The following SMAD6 variants were observed in gnomAD, a reference collection of about 807,000 sequenced individuals.
SMAD6 encodes the protein MAD homolog 6.
SMAD6 carries 103 observed loss-of-function variants against 39.4 expected under a neutral mutation model. That is an observed-to-expected ratio of 2.62 (90% CI 2.23 to 3.08). SMAD6 has a LOEUF of 3.08. SMAD6 is among the 30% of genes most tolerant of loss of function. The pLI is 0.00. For missense variants in SMAD6, 1,104 were observed against 742.9 expected (o/e 1.49, Z -5.65); for synonymous variants, 445 against 353.3 (o/e 1.26, Z -2.91).
chr15:66,703,827 C>G lies in SMAD6; in HGVS notation c.569C>G (p.Thr190Arg), dbSNP rs1893040158. The change falls in exon 1 of 4, where the codon ACG becomes AGG. Residue 190 changes from threonine (T) to arginine (R), a missense_variant. Physicochemically the swap from Thr to Arg is moderately conservative, Grantham distance 71 (BLOSUM62 -1). Coordinates refer to ENST00000288840, the MANE Select transcript of SMAD6 (RefSeq NM_005585.5). The stretch of plus-strand genomic sequence containing the variant: ...CGGCTCAAGGAGCGCTCGCTGGACA[C>G]GCTGCTGGAGGCGGTGGAGTCCCGC... ...LKRLKERSLD[T>R]LLEAVESRGG... The G allele has an allele frequency of 7.1e-7, 1 of 1,417,600 alleles. No individual in the cohort carries two copies. The allele number at this position is 1,417,600 out of a possible 1,614,324, so 87.8% of individuals were successfully genotyped here.
intron 3 of SMAD6, among the ~76,000 whole-genome samples, chr15:66,765,781 G>A (rs948560830): frequency 4.6e-5 from 7 of 152,142 alleles, no homozygotes; most frequent in Non-Finnish European, 8.8e-5. Flanking sequence ...TGGGTATTCG[G>A]GTTTTCTGCT....
At chr15:66,763,853 G>C (rs533088621) in intron 3 of SMAD6, among the ~76,000 whole-genome samples, 8 of 152,354 alleles carry the variant, frequency 5.3e-5, no homozygotes, top group Admixed American at 4.6e-4. Context: ...CTGGCCAAAC[G>C]CCCTAGGCAA....
chr15:66,763,800 C>A (rs1350132970), intron 3 of SMAD6, among the ~76,000 whole-genome samples: 1 of 152,220 alleles, frequency 6.6e-6, no homozygotes, highest in Non-Finnish European at 1.5e-5. Flanking sequence ...AGGGGTGGGG[C>A]CCCACCCTGC....
chr15:66,743,137 C>A (rs1410703007), intron 3 of SMAD6, among the ~76,000 whole-genome samples: 1 of 152,146 alleles, frequency 6.6e-6, no homozygotes, highest in African/African-American at 2.4e-5. Flanking sequence ...GATGGATGCT[C>A]CCACCAGCCA....
intron 3 of SMAD6, among the ~76,000 whole-genome samples, chr15:66,750,298 T>C (rs1183242546): frequency 6.6e-6 from 1 of 152,190 alleles, no homozygotes; most frequent in African/African-American, 2.4e-5. Context: ...AACTGTTGCA[T>C]ATCTTAGCTC....
chr15:66,759,267 TA>T (rs1894156983), intron 3 of SMAD6, among the ~76,000 whole-genome samples: 1 of 152,174 alleles, frequency 6.6e-6, no homozygotes, highest in South Asian at 2.1e-4. Flanking sequence ...GAGAATTTGA[TA>T]AATCCCCAGA....
intron 3 of SMAD6, among the ~76,000 whole-genome samples, chr15:66,756,934 A>G (rs1263680963): frequency 2.6e-5 from 4 of 152,128 alleles, no homozygotes; most frequent in Non-Finnish European, 4.4e-5. Flanking sequence ...CCCGATACTC[A>G]TATGTTGGGA....
chr15:66,704,324 T>C (rs1213878426), intron 1 of SMAD6: 2 of 359,362 alleles, frequency 5.6e-6, no homozygotes, highest in East Asian at 8.1e-5. Flanking sequence ...TAGTTTTCTC[T>C]GTGCAGTTTC....
chr15:66,729,136 C>T (rs1279644541), intron 3 of SMAD6, among the ~76,000 whole-genome samples: 2 of 152,158 alleles, frequency 1.3e-5, no homozygotes, highest in Non-Finnish European at 2.9e-5. Context: ...CGGCCTAGAG[C>T]AGGATCTCCC....
At chr15:66,750,628 C>CG (rs34571269) in intron 3 of SMAD6, among the ~76,000 whole-genome samples, 99,000 of 151,858 alleles carry the variant, frequency 0.65, 32,826 homozygotes, top group Admixed American at 0.73. Flanking sequence ...TTTATTGAGG[C>CG]GGGGGGTTGA....
chr15:66,704,296 T>C (rs1893060417), intron 1 of SMAD6: 2 of 387,970 alleles, frequency 5.2e-6, no homozygotes, highest in East Asian at 7.4e-5. Context: ...TCCGGTAAAC[T>C]TAAAAGGGTA....
At chr15:66,733,175 A>T (rs560278692) in intron 3 of SMAD6, among the ~76,000 whole-genome samples, 15 of 152,096 alleles carry the variant, frequency 9.9e-5, no homozygotes, top group Non-Finnish European at 1.8e-4. Flanking sequence ...CTATCCTTTT[A>T]CCAATACTGC....
At chr15:66,759,032 C>T (rs1894152027) in intron 3 of SMAD6, among the ~76,000 whole-genome samples, 1 of 152,236 alleles carries the variant, frequency 6.6e-6, no homozygotes, top group South Asian at 2.1e-4. Flanking sequence ...AACAATTCAA[C>T]TCTGCCACTG....
chr15:66,777,940 A>G (rs1389358843), intron 3 of SMAD6, among the ~76,000 whole-genome samples: 2 of 152,264 alleles, frequency 1.3e-5, no homozygotes, highest in South Asian at 4.1e-4. Context: ...ATAGGGTACC[A>G]TAAGGTGTGC....
At chr15:66,767,572 G>A (rs990393827) in intron 3 of SMAD6, among the ~76,000 whole-genome samples, 27 of 152,154 alleles carry the variant, frequency 1.8e-4, no homozygotes, top group African/African-American at 5.3e-4. Flanking sequence ...GAGAATAGAC[G>A]GGTGGCCATG....
chr15:66,741,593 C>A (rs946172508), intron 3 of SMAD6, among the ~76,000 whole-genome samples: 1 of 152,198 alleles, frequency 6.6e-6, no homozygotes, highest in Non-Finnish European at 1.5e-5. Context: ...GAACCATCAT[C>A]CCTGCAGCAT....
At chr15:66,771,941 G>GT (rs1412982815) in intron 3 of SMAD6, among the ~76,000 whole-genome samples, 2 of 152,148 alleles carry the variant, frequency 1.3e-5, no homozygotes, top group East Asian at 3.9e-4. Context: ...GCTGCATAGG[G>GT]TACCAGAAAC....
At position 66,760,219 on chromosome 15, in the gene SMAD6, C is replaced by T. The variant is rs8029534; in HGVS notation, c.953-20778C>T. On this transcript the variant is annotated intron_variant, in intron 3 of 3. Transcript: ENST00000288840. ...GCCCCTCATTTATAATGCTCTTTTG[C>T]GATCACACCCTTTCTTCCTGTTGGA... Among the ~76,000 whole-genome samples the T allele has an allele frequency of 6.7e-3, 1,010 of 151,828 alleles. 15 individuals carry two copies. The highest frequency in any genetic ancestry group is 0.027 in the Middle Eastern group (8 of 294).
At chr15:66,780,937 C>T (rs376190117) in intron 3 of SMAD6, 60 bp from the exon 4 acceptor site, 21 of 1,476,994 alleles carry the variant, frequency 1.4e-5, no homozygotes, top group East Asian at 9.9e-5. Context: ...ACCTCCGCTC[C>T]TCGGTGCCTC....
Sources: gnomAD v4.1 joint callset for allele counts (sites outside exome capture counted in the v4.1 genomes callset) on GRCh38, gnomAD v4.1.1 for gene constraint, MANE v1.5 for transcripts, NCBI Gene and HGNC (gene_info 2026-07-23, HGNC 2026-07-21) for gene names.